Variants in PIERCE1 observed in about 807,000 individuals in gnomAD.
PIERCE1 encodes piercer of microtubule wall 1.
chr9:135,495,636 C>T, the PIERCE1 span: 13 of 1,581,168 alleles, frequency 8.2e-6, 1 homozygote, highest in South Asian at 2.2e-5. Flanking sequence ...TAAAGGAACA[C>T]GGATTAATGA....
At chr9:135,496,846 G>A in the PIERCE1 span, among the ~76,000 whole-genome samples, 6 of 136,848 alleles carry the variant, frequency 4.4e-5, no homozygotes, top group Non-Finnish European at 7.5e-5. Flanking sequence ...CACCCACGCC[G>A]GCGTGCAATG....
the PIERCE1 span, chr9:135,495,496 G>A: frequency 1.9e-6 from 3 of 1,614,034 alleles, no homozygotes; most frequent in Non-Finnish European, 2.5e-6. Flanking sequence ...AGGAGGTGAT[G>A]CAGTTATCGG....
At chr9:135,498,630 A>G in the PIERCE1 span, 1 of 1,614,038 alleles carries the variant, frequency 6.2e-7, no homozygotes, top group South Asian at 1.1e-5. This position sits in a 1 kb window ranked among gnomAD's most constrained non-coding sequence, Gnocchi z 4.1. Context: ...AAGCCTGGTT[A>G]CTGGTCCTGT....
chr9:135,496,798 T>A, the PIERCE1 span, among the ~76,000 whole-genome samples: 1 of 150,294 alleles, frequency 6.7e-6, no homozygotes, highest in African/African-American at 2.5e-5. Context: ...CAGTGCATTT[T>A]TTTTTTTTTT....
At chr9:135,498,361 A>G in the PIERCE1 span, among the ~76,000 whole-genome samples, 2,117 of 151,302 alleles carry the variant, frequency 0.014, 53 homozygotes, top group African/African-American at 0.048. This position sits in a 1 kb window ranked among gnomAD's most constrained non-coding sequence, Gnocchi z 4.1. Flanking sequence ...CTTTTAAAAC[A>G]CTCCACTCCC....
At chr9:135,498,493 C>G in the PIERCE1 span, 1 of 1,057,104 alleles carries the variant, frequency 9.5e-7, no homozygotes. The surrounding 1 kb of genome is among the most constrained non-coding windows in gnomAD (Gnocchi z 4.1). Flanking sequence ...CTCCCCGTCT[C>G]ATTGTTGACC....
the PIERCE1 span, chr9:135,499,546 G>T: frequency 1.0e-6 from 1 of 962,856 alleles, no homozygotes; most frequent in Non-Finnish European, 1.6e-6. Context: ...GCTCTAGGGA[G>T]CACGGTCGCC....
At chr9:135,498,548 C>G in the PIERCE1 span, 1 of 1,599,796 alleles carries the variant, frequency 6.3e-7, no homozygotes, top group Non-Finnish European at 8.6e-7. The surrounding 1 kb of genome is among the most constrained non-coding windows in gnomAD (Gnocchi z 4.1). Context: ...GGCCACCCAC[C>G]CCCTGCCCCC....
chr9:135,495,673 G>A, the PIERCE1 span: 7 of 1,406,174 alleles, frequency 5.0e-6, no homozygotes, highest in Non-Finnish European at 6.8e-6. Flanking sequence ...GCAATCCGTT[G>A]AATATTTTTG....
the PIERCE1 span, among the ~76,000 whole-genome samples, chr9:135,495,804 C>T: frequency 1.3e-5 from 2 of 152,146 alleles, no homozygotes; most frequent in Non-Finnish European, 2.9e-5. Flanking sequence ...ACACTGCCCC[C>T]GGCACTGTTC....
the PIERCE1 span, chr9:135,495,531 G>A: frequency 6.2e-7 from 1 of 1,614,122 alleles, no homozygotes; most frequent in Non-Finnish European, 8.5e-7. Flanking sequence ...CTTTTCTCCA[G>A]GTAAACATTG....
chr9:135,496,245 A>C, the PIERCE1 span, among the ~76,000 whole-genome samples: 3 of 152,330 alleles, frequency 2.0e-5, no homozygotes, highest in East Asian at 5.8e-4. Flanking sequence ...TGAACCGGGG[A>C]GGCGGAGCTT....
chr9:135,498,489 G>A, the PIERCE1 span: 614 of 1,003,406 alleles, frequency 6.1e-4, 6 homozygotes, highest in South Asian at 6.6e-3. This position sits in a 1 kb window ranked among gnomAD's most constrained non-coding sequence, Gnocchi z 4.1. Context: ...ACCCCTCCCC[G>A]TCTCATTGTT....
the PIERCE1 span, chr9:135,499,141 A>G: frequency 6.8e-6 from 2 of 295,154 alleles, no homozygotes; most frequent in Non-Finnish European, 1.3e-5. Context: ...CAGGCCCACG[A>G]CATAGCTTTA....
chr9:135,499,835 G>T, the PIERCE1 span: 1 of 1,590,844 alleles, frequency 6.3e-7, no homozygotes, highest in African/African-American at 1.3e-5. Flanking sequence ...GCACGCTCTG[G>T]GGCATTCCTC....
At chr9:135,498,615 C>G in the PIERCE1 span, 2 of 1,614,044 alleles carry the variant, frequency 1.2e-6, no homozygotes, top group Non-Finnish European at 1.7e-6. This position sits in a 1 kb window ranked among gnomAD's most constrained non-coding sequence, Gnocchi z 4.1. Flanking sequence ...GGGCTCTGCT[C>G]CCGTAAGCCT....
At chr9:135,498,519 G>A in the PIERCE1 span, 2 of 1,439,482 alleles carry the variant, frequency 1.4e-6, no homozygotes, top group Non-Finnish European at 1.9e-6. The surrounding 1 kb of genome is among the most constrained non-coding windows in gnomAD (Gnocchi z 4.1). Flanking sequence ...AGAACCCCAG[G>A]TTTTTAGCCT....
At chr9:135,497,222 G>C in the PIERCE1 span, among the ~76,000 whole-genome samples, 1 of 152,222 alleles carries the variant, frequency 6.6e-6, no homozygotes, top group Non-Finnish European at 1.5e-5. Context: ...AGGTGGATAA[G>C]AAGGAGGAGA....
chr9:135,495,529 C>T, the PIERCE1 span: 15 of 1,614,158 alleles, frequency 9.3e-6, no homozygotes, highest in Non-Finnish European at 1.1e-5. Flanking sequence ...TGCTTTTCTC[C>T]AGGTAAACAT....
Sources: allele counts gnomAD v4.1 joint callset (sites outside exome capture counted in the v4.1 genomes callset), GRCh38; gene constraint gnomAD v4.1.1; non-coding constraint Gnocchi (gnomAD v3.1); transcripts MANE v1.5; gene names NCBI Gene and HGNC (gene_info 2026-07-23, HGNC 2026-07-21).